The following KRT81 variants were observed in gnomAD, a reference collection of about 807,000 sequenced individuals.
The protein encoded by KRT81 is keratin, type II cuticular Hb1.
KRT81 carries 35 observed loss-of-function variants against 35.8 expected under a neutral mutation model. The ratio of observed to expected loss-of-function variants is 0.98; its 90% CI spans 0.75 to 1.30. The LOEUF (loss-of-function observed/expected upper bound fraction) is 1.30. KRT81 is among the 50% of genes most tolerant of loss of function. The pLI is 0.00. For missense variants in KRT81, 531 were observed against 577.4 expected (o/e 0.92, Z 0.82); for synonymous variants, 249 against 251.2 (o/e 0.99, Z 0.08).
chr12:52,288,220 C>T (rs546836165), intron 4 of KRT81, 72 bp from the exon 5 acceptor site: 1 of 1,593,560 alleles, frequency 6.3e-7, no homozygotes, highest in Non-Finnish European at 8.6e-7. Context: ...TCCACCTCCT[C>T]AGGCTTTCTC....
chr12:52,288,289 T>C (rs1291020489), intron 4 of KRT81, 72 bp downstream of exon 4: 86 of 1,607,332 alleles, frequency 5.4e-5, no homozygotes, highest in Admixed American at 6.7e-5. Flanking sequence ...ACCCACATCC[T>C]GTCCAACACT....
In KRT81 at chr12:52,286,245, G is replaced by C; in HGVS notation, c.*10C>G. The C allele has an allele frequency of 6.4e-7, 1 of 1,552,326 alleles. No individual in the cohort carries two copies. The highest frequency in any genetic ancestry group is 8.7e-7 in the Non-Finnish European group (1 of 1,146,980). On this transcript the variant is annotated 3_prime_UTR_variant, in exon 9 of 9. Coordinates refer to ENST00000327741, the MANE Select transcript of KRT81 (RefSeq NM_002281.4). Reference sequence around the variant, plus strand: ...AAGATGCCTGGGGCCTGGGACTTGAGTTGGGGTGCCTAACATTTCCGGCAG... The same window carrying C: ...AAGATGCCTGGGGCCTGGGACTTGACTTGGGGTGCCTAACATTTCCGGCAG...
chr12:52,287,134 G>A lies in KRT81; in HGVS notation c.1215C>T (p.Thr405=). The change falls in exon 7 of 9, where the codon ACC becomes ACT. Residue 405 remains threonine (T), a synonymous_variant. Coordinates refer to ENST00000327741, the MANE Select transcript of KRT81 (RefSeq NM_002281.4). ...CCTCGCCCTCCAGCAGGCGCCTGTA[G>A]GTGGCGATCTCGATGTCCAGGCCCA... The part of the protein sequence containing the change: ...SKLGLDIEIA[T]YRRLLEGEEQ... 2 of 1,613,364 alleles carry A rather than the reference G, an allele frequency of 1.2e-6. No homozygotes were observed. The highest frequency in any genetic ancestry group is 1.7e-6 in the Non-Finnish European group (2 of 1,179,984).
rs1359708782 is a variant in KRT81 at position 52,287,262 on chromosome 12, C to G, written c.1087G>C (p.Asp363His). Reference sequence around the variant, plus strand: ...AGCTCGGCCAGCTTGCAGCGGGCATCACTGAGGGCCGCCTCACCCTGCTGC... The same window carrying G: ...AGCTCGGCCAGCTTGCAGCGGGCATGACTGAGGGCCGCCTCACCCTGCTGC... ...SEQQGEAALS[D>H]ARCKLAELEG... The change falls in exon 7 of 9, where the codon GAT (aspartate) becomes CAT (histidine). Residue 363 changes from aspartate to histidine, a missense_variant. Transcript: ENST00000327741. 1.2e-6 allele frequency: 2 copies of G among 1,614,124 alleles called. No individual in the cohort carries two copies. The highest frequency in any genetic ancestry group is 8.5e-7 in the Non-Finnish European group (1 of 1,179,992).
Position 52,287,691 on chromosome 12 carries a change from G to T in KRT81, c.931C>A (p.His311Asn). The T allele has an allele frequency of 1.9e-6, 3 of 1,614,050 alleles. No individual in the cohort carries two copies. Among genetic ancestry groups the T allele is most frequent in the Non-Finnish European group, 2.5e-6 (3 of 1,179,934 alleles). ...TTGGTGCGGCGCAGGGTCTCCCCGT[G>T]CCTGATCACCGTGGCCTTCATCTCC... ...CEEMKATVIR[H>N]GETLRRTKEE... The change falls in exon 6 of 9, where the codon CAC (histidine) becomes AAC (asparagine). Residue 311 changes from histidine to asparagine, a missense_variant. Around this residue, in one of 5 missense-constraint regions of KRT81, gnomAD observed 194 missense variants for 198.2 expected, o/e 0.98. Transcript: ENST00000327741.
Position 52,288,341 on chromosome 12 carries a change from T to C in KRT81, c.735+20A>G, listed in dbSNP as rs554706829. ...CTCTCTGCTGGCTGCCAGGTTTCTG[T>C]CTGGCCCCTGAGCCCGCACCTCCTC... On this transcript the variant is annotated intron_variant, in intron 4 of 8. Coordinates refer to ENST00000327741, the MANE Select transcript of KRT81 (RefSeq NM_002281.4). The C allele has an allele frequency of 1.5e-4, 236 of 1,613,568 alleles. No homozygotes were observed. Among genetic ancestry groups the C allele is most frequent in the East Asian group, 3.3e-4 (15 of 44,856 alleles).
chr12:52,286,394 T>C lies in KRT81; in HGVS notation c.1379A>G (p.Asn460Ser), dbSNP rs1278188997. Residue 460 changes from asparagine (N) to serine (S), a missense_variant, in exon 9 of 9, where the codon AAC (asparagine) becomes AGC (serine). Asn to Ser is a conservative substitution (Grantham distance 46). Around this residue, in one of 5 missense-constraint regions of KRT81, gnomAD observed 150 missense variants for 145.4 expected, o/e 1.03. Transcript: ENST00000327741. ...GSVCSAPCNG[N>S]VAVSTGLCAP... is the part of the protein sequence containing the mutation. Reference sequence around the variant, plus strand: ...ACACAGGCCGGTGCTCACCGCCACGTTCCCGTTGCACGGAGCGCTGCAGAC... The same window carrying C: ...ACACAGGCCGGTGCTCACCGCCACGCTCCCGTTGCACGGAGCGCTGCAGAC... 1 of 1,555,342 alleles carries C rather than the reference T, an allele frequency of 6.4e-7. No individual in the cohort carries two copies. The highest frequency in any genetic ancestry group is 8.7e-7 in the Non-Finnish European group (1 of 1,149,176).
rs149438181 is a variant in KRT81 at position 52,288,131 on chromosome 12, C to T, written c.753G>A (p.Gln251=). Residue 251 remains glutamine (Q), a synonymous_variant, in exon 5 of 9, where the codon CAG becomes CAA. Coordinates refer to ENST00000327741, the MANE Select transcript of KRT81 (RefSeq NM_002281.4). ...CCACGGAGGTGTCTGAGATGTGCGA[C>T]TGGAGAATGAGGATCTCCTGCAGGA... is the stretch of plus-strand genomic sequence containing the variant. ...RLYEEEILIL[Q]SHISDTSVVV... The T allele has an allele frequency of 2.6e-5, 42 of 1,614,040 alleles. No individual in the cohort carries two copies. Among genetic ancestry groups the T allele is most frequent in the Non-Finnish European group, 3.4e-5 (40 of 1,180,020 alleles).
intron 6 of KRT81, 97 bp downstream of exon 6, chr12:52,287,499 G>T: frequency 6.2e-7 from 1 of 1,608,754 alleles, no homozygotes; most frequent in African/African-American, 1.3e-5. Flanking sequence ...CAAAGGGGGT[G>T]GAGAATGAAT....
At position 52,291,135 on chromosome 12, in the gene KRT81, T is replaced by G; in HGVS notation, c.331A>C (p.Lys111Gln). Residue 111 changes from lysine to glutamine, a missense_variant, in exon 1 of 9, where the codon AAG becomes CAG. Transcript: ENST00000327741. ...GCCGCGAACCTGCTGTTGAGGGACT[T>G]GATCTGCTCCTTCTCCTCCTGCTTC... ...CVKQEEKEQI[K>Q]SLNSRFAAFI... 1.0e-6 allele frequency: 1 copy of G among 979,086 alleles called. No individual in the cohort carries two copies. The highest frequency in any genetic ancestry group is 1.4e-6 in the Non-Finnish European group (1 of 698,478). 60.6% of individuals were successfully genotyped at this position (979,086 alleles called of 1,614,324 possible).
At position 52,288,068 on chromosome 12, in the gene KRT81, G is replaced by A. The variant is rs764722616; in HGVS notation, c.816C>T (p.Asp272=). 2 of 1,614,112 alleles carry A rather than the reference G, an allele frequency of 1.2e-6. No individual in the cohort carries two copies. The highest frequency in any genetic ancestry group is 1.3e-5 in the African/African-American group (1 of 74,928). The change falls in exon 5 of 9, where the codon GAC becomes GAT. Residue 272 remains aspartate (D), a synonymous_variant. Transcript: ENST00000327741. ...GTGCCTTAATCTCGGCAATGATGCA[G>A]TCCATGTTCAGGTCCCGGCTGTTGT... ...KLDNSRDLNM[D]CIIAEIKAQY...
Position 52,291,437 on chromosome 12 carries a change from C to T in KRT81, c.29G>A (p.Arg10His), listed in dbSNP as rs1938120523. ...GCAGGCCGAGATGCAGCTGAAGGCG[C>T]GCCCACCAAATCCTGATCCGCAGGT... The part of the protein sequence containing the change: MTCGSGFGG[R>H]AFSCISACGP... The change falls in exon 1 of 9, where the codon CGC becomes CAC. Residue 10 changes from arginine to histidine, a missense_variant. By Grantham distance (29) the Arg-to-His change is conservative (BLOSUM62 0). Coordinates refer to ENST00000327741, the MANE Select transcript of KRT81 (RefSeq NM_002281.4). The T allele has an allele frequency of 1.9e-6, 3 of 1,612,632 alleles. No individual in the cohort carries two copies. The highest frequency in any genetic ancestry group is 2.5e-6 in the Non-Finnish European group (3 of 1,179,510).
chr12:52,288,639 C>T (rs1938045341), intron 3 of KRT81, among the ~76,000 whole-genome samples, 183 bp from the exon 4 acceptor site: 1 of 152,134 alleles, frequency 6.6e-6, no homozygotes, highest in Admixed American at 6.5e-5. Flanking sequence ...TGATGACAAA[C>T]CCTGTTTGCC....
intron 3 of KRT81, among the ~76,000 whole-genome samples, chr12:52,288,765 T>C (rs568109612): frequency 6.6e-6 from 1 of 152,114 alleles, no homozygotes; most frequent in African/African-American, 2.4e-5. Flanking sequence ...ACCCTGACCC[T>C]TTCCTGTCCC....
At chr12:52,286,999 T>A in intron 7 of KRT81, 103 bp downstream of exon 7, 2 of 1,592,586 alleles carry the variant, frequency 1.3e-6, no homozygotes, top group Non-Finnish European at 1.7e-6. Context: ...AATAATAATA[T>A]TTTTTTCCCC....
At position 52,286,333 on chromosome 12, in the gene KRT81, C is replaced by T. The variant is rs1449356317; in HGVS notation, c.1440G>A (p.Gly480=). The change falls in exon 9 of 9, where the codon GGG becomes GGA. Residue 480 remains glycine, a synonymous_variant. Transcript: ENST00000327741. ...PCGQLNTTCG[G]GSCGVGSCGI... ...CACAGGAGCCCACGCCGCAGGAACCCCCTCCGCAGGTGGTGTTCAATTGGC... is the reference window on the plus strand; with the variant it reads ...CACAGGAGCCCACGCCGCAGGAACCTCCTCCGCAGGTGGTGTTCAATTGGC... The T allele has an allele frequency of 6.4e-7, 1 of 1,554,932 alleles. No homozygotes were observed.
Position 52,287,129 on chromosome 12 carries a change from C to T in KRT81, c.1220G>A (p.Arg407Lys), listed in dbSNP as rs777027305. 1.9e-6 allele frequency: 3 copies of T among 1,613,314 alleles called. No homozygotes were observed. Among genetic ancestry groups the T allele is most frequent in the East Asian group, 2.2e-5 (1 of 44,882 alleles). ...CTGCTCCTCGCCCTCCAGCAGGCGC[C>T]TGTAGGTGGCGATCTCGATGTCCAG... ...LGLDIEIATYRRLLEGEEQRL... is the reference protein window; with the variant it reads ...LGLDIEIATYKRLLEGEEQRL... The change falls in exon 7 of 9, where the codon AGG (arginine) becomes AAG (lysine). Residue 407 changes from arginine to lysine, a missense_variant. Arg to Lys is a conservative substitution (Grantham distance 26). Transcript: ENST00000327741.
At chr12:52,287,953 G>A (rs763595422) in intron 5 of KRT81, 31 bp downstream of exon 5, 40 of 1,613,968 alleles carry the variant, frequency 2.5e-5, no homozygotes, top group Admixed American at 8.3e-5. Flanking sequence ...CCACTGACAC[G>A]TCTAGCAGGC....
chr12:52,286,833 A>G lies in KRT81; in HGVS notation c.1248-11T>C. Reference sequence around the variant, plus strand: ...ATGCCTTCACATAGCCTGAGGGCAAAAGAGAAAAAGGCAACATTAGTGACT... The same window carrying G: ...ATGCCTTCACATAGCCTGAGGGCAAGAGAGAAAAAGGCAACATTAGTGACT... On this transcript the variant is annotated splice_polypyrimidine_tract_variant and intron_variant, in intron 7 of 8. Transcript: ENST00000327741. 1 of 1,613,854 alleles carries G rather than the reference A, an allele frequency of 6.2e-7. No homozygotes were observed. The highest frequency in any genetic ancestry group is 1.1e-5 in the South Asian group (1 of 90,956).
Sources: gnomAD v4.1 joint callset for allele counts (sites outside exome capture counted in the v4.1 genomes callset) on GRCh38, gnomAD v4.1.1 for gene constraint, gnomAD v4.1.1 regional missense constraint, MANE v1.5 for transcripts, NCBI Gene and HGNC (gene_info 2026-07-23, HGNC 2026-07-21) for gene names.